CCDC102A: variants seen among roughly 807,000 people sequenced by gnomAD.
CCDC102A encodes coiled-coil domain containing 102A.
Under a neutral mutation model 55.5 loss-of-function variants are expected in CCDC102A, and 40 were observed. The observed-to-expected ratio is 0.72, with a 90% CI of 0.56 to 0.94. The LOEUF (loss-of-function observed/expected upper bound fraction) is 0.94. CCDC102A is among the 40% of genes least tolerant of loss of function. The probability of loss-of-function intolerance (pLI) is 0.00; values close to 1 mark genes in which losing one functional copy is unlikely to be tolerated. For synonymous variants in CCDC102A, 323 were observed against 339.0 expected (o/e 0.95, Z 0.52); for missense variants, 779 against 768.6 (o/e 1.01, Z -0.16).
chr16:57,515,312 C>G, intron 8 of CCDC102A, 29 bp downstream of exon 8: 1 of 1,380,766 alleles, frequency 7.2e-7, no homozygotes, highest in Non-Finnish European at 1.0e-6. Flanking sequence ...AAGTCTCTGC[C>G]CTGTTTCTGT....
intron 1 of CCDC102A, among the ~76,000 whole-genome samples, chr16:57,533,583 C>T (rs994921873): frequency 9.9e-5 from 15 of 151,392 alleles, no homozygotes; most frequent in African/African-American, 3.6e-4. Flanking sequence ...GCCCCAGTAA[C>T]GCGCACACTC....
intron 1 of CCDC102A, among the ~76,000 whole-genome samples, chr16:57,535,250 C>A (rs143871379): frequency 2.6e-5 from 4 of 152,222 alleles, no homozygotes; most frequent in Non-Finnish European, 5.9e-5. Context: ...AGCTGGCTGG[C>A]GGGAAAGGAA....
chr16:57,512,558 G>T lies in CCDC102A; in HGVS notation c.*183C>A. The stretch of plus-strand genomic sequence containing the variant: ...TGTGTATATATATATATAAAACATA[G>T]GCTTCCTTTCCACAGGGCGTTGGTA... On this transcript the variant is annotated 3_prime_UTR_variant, in exon 9 of 9. Transcript: ENST00000258214. The T allele has an allele frequency of 1.5e-6, 1 of 669,134 alleles. No individual in the cohort carries two copies. 41.4% of individuals were successfully genotyped at this position (669,134 alleles called of 1,614,324 possible). A position where few individuals can be genotyped will look rare whatever the true frequency, so the allele number is the denominator to read the frequency against.
intron 4 of CCDC102A, 67 bp from the exon 5 acceptor site, chr16:57,518,808 G>A (rs2032001792): frequency 2.4e-6 from 3 of 1,260,466 alleles, no homozygotes; most frequent in Admixed American, 2.0e-5. Flanking sequence ...ACCTCCGGGG[G>A]TGGGCGCCAG....
rs1218826449 is a variant in CCDC102A, at chr16:57,528,583, C to G, written c.585+10G>C. 6 of 1,241,232 alleles carry G rather than the reference C, an allele frequency of 4.8e-6. No homozygotes were observed. Among genetic ancestry groups the G allele is most frequent in the Middle Eastern group, 2.2e-4 (1 of 4,482 alleles). The allele number at this position is 1,241,232 out of a possible 1,614,324, so 76.9% of individuals were successfully genotyped here. A position where few individuals can be genotyped will look rare whatever the true frequency, so the allele number is the denominator to read the frequency against. ...GACTGGAGCGCGAACGCCCCGCCCG[C>G]GCCGCGCACCTGGCTGCCTGGCGGC... On this transcript the variant is annotated intron_variant, in intron 2 of 8. Coordinates refer to ENST00000258214, the MANE Select transcript of CCDC102A (RefSeq NM_033212.4).
At chr16:57,514,556 A>C (rs570831155) in intron 8 of CCDC102A, among the ~76,000 whole-genome samples, 1 of 152,322 alleles carries the variant, frequency 6.6e-6, no homozygotes, top group African/African-American at 2.4e-5. Flanking sequence ...AAGAGGTAAG[A>C]ACTATCATCA....
intron 1 of CCDC102A, among the ~76,000 whole-genome samples, chr16:57,536,042 C>T (rs1353108493): frequency 6.6e-6 from 1 of 152,138 alleles, no homozygotes; most frequent in Non-Finnish European, 1.5e-5. Flanking sequence ...TCCCGGCCCG[C>T]GCCGCGCGGT....
Position 57,516,494 on chromosome 16 carries a change from G to C in CCDC102A, c.1249-31C>G, listed in dbSNP as rs778580404. On this transcript the variant is annotated intron_variant, in intron 6 of 8. Coordinates refer to ENST00000258214, the MANE Select transcript of CCDC102A (RefSeq NM_033212.4). This position sits in a 1 kb window ranked among gnomAD's most constrained non-coding sequence, Gnocchi z 4.4. Reference sequence around the variant, plus strand: ...GGGCACAGGGATGGGGTGGGAGGGAGGAGGGAATCAGTATCAGCTTGGGCG... The same window carrying C: ...GGGCACAGGGATGGGGTGGGAGGGACGAGGGAATCAGTATCAGCTTGGGCG... 1.4e-5 allele frequency: 23 copies of C among 1,590,720 alleles called. No individual in the cohort carries two copies. The highest frequency in any genetic ancestry group is 2.0e-5 in the Non-Finnish European group (23 of 1,170,050).
Position 57,526,131 on chromosome 16 carries a change from C to A in CCDC102A, c.586-4G>T, listed in dbSNP as rs115928010. ...GGCTCTCCACCAGCTCCAGTTCCTG[C>A]GGGGACCAAGGTGGAGGCTGGACCA... On this transcript the variant is annotated splice_region_variant and splice_polypyrimidine_tract_variant and intron_variant, in intron 2 of 8. Coordinates refer to ENST00000258214, the MANE Select transcript of CCDC102A (RefSeq NM_033212.4). 2 of 1,533,296 alleles carry A rather than the reference C, an allele frequency of 1.3e-6. No individual in the cohort carries two copies. The highest frequency in any genetic ancestry group is 1.7e-6 in the Non-Finnish European group (2 of 1,147,544). The allele number at this position is 1,533,296 out of a possible 1,614,324, so 95.0% of individuals were successfully genotyped here.
rs752687289 is a variant in CCDC102A, at chr16:57,525,956, T to G, written c.757A>C (p.Thr253Pro). The G allele has an allele frequency of 6.2e-7, 1 of 1,612,246 alleles. No individual in the cohort carries two copies. Among genetic ancestry groups the G allele is most frequent in the Admixed American group, 1.7e-5 (1 of 59,524 alleles). ...AATEEEASKLTALRLRLDESQ... is the reference protein window; with the variant it reads ...AATEEEASKLPALRLRLDESQ... ...TCATCCAGCCGTAGCCGCAGGGCGG[T>G]CAACTTGGAGGCCTCCTCCTCCGTG... Residue 253 changes from threonine (T) to proline (P), a missense_variant, in exon 3 of 9, where the codon ACC (threonine) becomes CCC (proline). Thr to Pro is a conservative substitution (Grantham distance 38). Coordinates refer to ENST00000258214, the MANE Select transcript of CCDC102A (RefSeq NM_033212.4).
chr16:57,534,611 C>T (rs993307140), intron 1 of CCDC102A, among the ~76,000 whole-genome samples: 15 of 152,152 alleles, frequency 9.9e-5, no homozygotes, highest in Non-Finnish European at 2.2e-4. Context: ...TTGAAGTCCA[C>T]GAGCGAGGGC....
intron 1 of CCDC102A, among the ~76,000 whole-genome samples, chr16:57,533,046 C>A (rs2032299806): frequency 6.6e-6 from 1 of 152,206 alleles, no homozygotes; most frequent in Non-Finnish European, 1.5e-5. Flanking sequence ...GGAATCCAAG[C>A]CTGTTGGGCA....
intron 2 of CCDC102A, among the ~76,000 whole-genome samples, chr16:57,527,009 C>T (rs911614420): frequency 6.6e-6 from 1 of 152,186 alleles, no homozygotes; most frequent in East Asian, 1.9e-4. Context: ...AGCCCTCTGG[C>T]CTGTGACCGA....
At position 57,528,762 on chromosome 16, in the gene CCDC102A, G is replaced by A; in HGVS notation, c.416C>T (p.Ala139Val). Residue 139 changes from alanine (A) to valine (V), a missense_variant, in exon 2 of 9, where the codon GCA becomes GTA. Coordinates refer to ENST00000258214, the MANE Select transcript of CCDC102A (RefSeq NM_033212.4). The stretch of plus-strand genomic sequence containing the variant: ...CTGCGCCTCTTGGCGCTCGCGCCGT[G>A]CGCCCGCCAGCTCCTTGGTGAGCGC... ...LDALTKELAG[A>V]RRERQEAQGE... The A allele has an allele frequency of 8.5e-7, 1 of 1,182,892 alleles. No individual in the cohort carries two copies. The highest frequency in any genetic ancestry group is 1.1e-6 in the Non-Finnish European group (1 of 948,960). 73.3% of individuals were successfully genotyped at this position (1,182,892 alleles called of 1,614,324 possible). A position where few individuals can be genotyped will look rare whatever the true frequency, so the allele number is the denominator to read the frequency against.
In CCDC102A at chr16:57,528,770, C is replaced by T. The variant is rs1465723409; in HGVS notation, c.408G>A (p.Leu136=). 1 of 1,194,098 alleles carries T rather than the reference C, an allele frequency of 8.4e-7. No homozygotes were observed. Among genetic ancestry groups the T allele is most frequent in the East Asian group, 4.3e-5 (1 of 23,120 alleles). The allele number at this position is 1,194,098 out of a possible 1,614,324, so 74.0% of individuals were successfully genotyped here. The part of the protein sequence containing the change: ...RQRLDALTKE[L]AGARRERQEA... ...CTTGGCGCTCGCGCCGTGCGCCCGC[C>T]AGCTCCTTGGTGAGCGCGTCCAGGC... is the stretch of plus-strand genomic sequence containing the variant. The change falls in exon 2 of 9, where the codon CTG becomes CTA. Residue 136 remains leucine, a synonymous_variant. Transcript: ENST00000258214.
chr16:57,533,735 C>T (rs555567208), intron 1 of CCDC102A, among the ~76,000 whole-genome samples: 9 of 152,080 alleles, frequency 5.9e-5, no homozygotes, highest in African/African-American at 1.7e-4. Flanking sequence ...CAGACTCACA[C>T]GCAGCCCCAG....
At chr16:57,528,519 A>T in intron 2 of CCDC102A, 74 bp downstream of exon 2, 1 of 1,044,334 alleles carries the variant, frequency 9.6e-7, no homozygotes, top group Non-Finnish European at 1.2e-6. Flanking sequence ...CTTGTTTCTG[A>T]GCCCAGCAGC....
rs540553651 is a variant in CCDC102A at position 57,512,513 on chromosome 16, TGCGCGC to T, written c.*222_*227del. The stretch of plus-strand genomic sequence containing the variant: ...AAATGGGTCCAAAGACTTCTGGGTG[TGCGCGC>T]GCGCGCGCGCGTGTGTGTATATATA... On this transcript the variant is annotated 3_prime_UTR_variant, in exon 9 of 9. Transcript: ENST00000258214. 4.8e-3 allele frequency: 2,060 copies of T among 429,890 alleles called. 37 individuals are homozygous for T. The highest frequency in any genetic ancestry group is 0.038 in the African/African-American group (1,796 of 47,890). The allele number at this position is 429,890 out of a possible 1,614,324, so 26.6% of individuals were successfully genotyped here.
In CCDC102A at chr16:57,529,053, G is replaced by C. The variant is rs2032202321; in HGVS notation, c.125C>G (p.Pro42Arg). The C allele has an allele frequency of 1.8e-6, 2 of 1,133,884 alleles. No individual in the cohort carries two copies. The highest frequency in any genetic ancestry group is 9.9e-5 in the Admixed American group (2 of 20,166). 70.2% of individuals were successfully genotyped at this position (1,133,884 alleles called of 1,614,324 possible). The change falls in exon 2 of 9, where the codon CCG becomes CGG. Residue 42 changes from proline to arginine, a missense_variant. By Grantham distance (103) the Pro-to-Arg change is moderately radical (BLOSUM62 -2). Coordinates refer to ENST00000258214, the MANE Select transcript of CCDC102A (RefSeq NM_033212.4). The surrounding 1 kb of genome is among the most constrained non-coding windows in gnomAD (Gnocchi z 4.1). ...MGPADSLPPT[P>R]PSGTPSPGPP... ...CCCGGGCGAGGGCGTGCCGCTGGGC[G>C]GCGTGGGCGGCAAGGAGTCGGCAGG...
Sources: allele counts gnomAD v4.1 joint callset (sites outside exome capture counted in the v4.1 genomes callset), GRCh38; gene constraint gnomAD v4.1.1; non-coding constraint Gnocchi (gnomAD v3.1); transcripts MANE v1.5; gene names NCBI Gene and HGNC (gene_info 2026-07-23, HGNC 2026-07-21).